CSMD1: variants seen among roughly 807,000 people sequenced by gnomAD.
The protein encoded by CSMD1 is CUB and sushi domain-containing protein 1.
In CSMD1, 213 loss-of-function variants were observed where a neutral mutation model predicts 417.5. The observed-to-expected ratio is 0.51, with a 90% CI of 0.46 to 0.57. CSMD1 has a LOEUF of 0.57. CSMD1 is among the 20% of genes least tolerant of loss of function. The pLI is 0.00. For missense variants in CSMD1, 6,923 were observed against 4,529.7 expected (o/e 1.53, Z -15.17); for synonymous variants, 2,862 against 1,736.8 (o/e 1.65, Z -16.11).
At chr8:3,710,134 C>T (rs1172151410) in intron 6 of CSMD1, among the ~76,000 whole-genome samples, 1 of 148,064 alleles carries the variant, frequency 6.8e-6, no homozygotes, top group African/African-American at 2.5e-5. Context: ...GGATTTTTTT[C>T]CTGATATTTT....
At chr8:3,982,443 A>G (rs902478137) in intron 5 of CSMD1, among the ~76,000 whole-genome samples, 1 of 152,008 alleles carries the variant, frequency 6.6e-6, no homozygotes, top group African/African-American at 2.4e-5. Context: ...AATTAATAGA[A>G]AGATCTTAAC....
At chr8:3,062,403 C>T (rs986368794) in intron 49 of CSMD1, among the ~76,000 whole-genome samples, 3 of 151,986 alleles carry the variant, frequency 2.0e-5, no homozygotes, top group Admixed American at 6.6e-5. Flanking sequence ...CGGGTGTTTC[C>T]AAGGAGTAAA....
intron 6 of CSMD1, among the ~76,000 whole-genome samples, chr8:3,713,033 A>G (rs1382051267): frequency 1.3e-5 from 2 of 152,206 alleles, no homozygotes; most frequent in Non-Finnish European, 2.9e-5. Context: ...TGAGGTTAAA[A>G]AAAAAATTCC....
chr8:2,962,156 C>A (rs1803547285), intron 61 of CSMD1, among the ~76,000 whole-genome samples: 1 of 152,142 alleles, frequency 6.6e-6, no homozygotes, highest in Admixed American at 6.5e-5. Context: ...AATGTTCCTA[C>A]CTGCACCTTT....
chr8:4,599,784 A>G (rs1431321143), intron 2 of CSMD1, among the ~76,000 whole-genome samples: 1 of 152,218 alleles, frequency 6.6e-6, no homozygotes, highest in Non-Finnish European at 1.5e-5. Context: ...CACAGTGGAT[A>G]CTGTAAGCCA....
intron 26 of CSMD1, among the ~76,000 whole-genome samples, chr8:3,271,320 G>A (rs1045766530): frequency 7.9e-5 from 12 of 151,910 alleles, no homozygotes; most frequent in African/African-American, 2.7e-4. Context: ...TCTTAATCCA[G>A]TCTATCATTG....
chr8:3,203,032 A>G (rs1797072302), intron 31 of CSMD1, among the ~76,000 whole-genome samples: 1 of 152,170 alleles, frequency 6.6e-6, no homozygotes, highest in South Asian at 2.1e-4. Context: ...TTTTTATCAT[A>G]CTGGAGGCCC....
intron 1 of CSMD1, among the ~76,000 whole-genome samples, chr8:4,909,809 G>A (rs1299027817): frequency 6.6e-6 from 1 of 152,154 alleles, no homozygotes; most frequent in Non-Finnish European, 1.5e-5. Context: ...GGACCCACCT[G>A]TCCTTCATTT....
At chr8:4,293,371 A>C (rs563518706) in intron 3 of CSMD1, among the ~76,000 whole-genome samples, 2 of 152,246 alleles carry the variant, frequency 1.3e-5, no homozygotes, top group Non-Finnish European at 2.9e-5. Flanking sequence ...GTCCAATCTA[A>C]ATTTATTGAG....
chr8:3,694,295 G>C (rs990036701), intron 7 of CSMD1, among the ~76,000 whole-genome samples: 6 of 152,024 alleles, frequency 3.9e-5, no homozygotes, highest in Admixed American at 2.0e-4. Flanking sequence ...TCACTTCCTA[G>C]ACGTCGGCTT....
At chr8:3,880,011 A>G (rs1806107134) in intron 5 of CSMD1, among the ~76,000 whole-genome samples, 1 of 152,120 alleles carries the variant, frequency 6.6e-6, no homozygotes, top group Non-Finnish European at 1.5e-5. Flanking sequence ...TACCGAAGTT[A>G]CTGACTAATG....
chr8:3,005,687 T>A (rs566481535), intron 52 of CSMD1, among the ~76,000 whole-genome samples: 1 of 152,158 alleles, frequency 6.6e-6, no homozygotes, highest in South Asian at 2.1e-4. Context: ...ATTATCTCGA[T>A]AGATGCAGAA....
intron 10 of CSMD1, among the ~76,000 whole-genome samples, chr8:3,545,650 T>G (rs1798627525): frequency 6.6e-6 from 1 of 152,162 alleles, no homozygotes; most frequent in Non-Finnish European, 1.5e-5. Context: ...TCATCAGCGG[T>G]GGACAACTTA....
intron 2 of CSMD1, among the ~76,000 whole-genome samples, chr8:4,432,898 A>C (rs1461753487): frequency 6.6e-6 from 1 of 152,246 alleles, no homozygotes; most frequent in African/African-American, 2.4e-5. Flanking sequence ...TCAAGGGGTG[A>C]GCAGCAGAAG....
chr8:4,326,886 C>G (rs928111302), intron 3 of CSMD1, among the ~76,000 whole-genome samples: 3 of 151,994 alleles, frequency 2.0e-5, no homozygotes, highest in Non-Finnish European at 4.4e-5. Flanking sequence ...GACTATTTTA[C>G]ATAGACCATG....
At chr8:4,841,148 A>G (rs1175177428) in intron 1 of CSMD1, among the ~76,000 whole-genome samples, 1 of 152,212 alleles carries the variant, frequency 6.6e-6, no homozygotes, top group Non-Finnish European at 1.5e-5. Flanking sequence ...CTGAATGCAT[A>G]TATAAATAAT....
chr8:3,062,654 C>G (rs1292539700), intron 49 of CSMD1, among the ~76,000 whole-genome samples: 1 of 149,668 alleles, frequency 6.7e-6, no homozygotes, highest in East Asian at 2.0e-4. Flanking sequence ...TTGAAAATAT[C>G]TAGCACTTCA....
chr8:3,517,102 G>C (rs11785154), intron 10 of CSMD1, among the ~76,000 whole-genome samples: 25,693 of 152,142 alleles, frequency 0.17, 2,494 homozygotes, highest in South Asian at 0.24. Flanking sequence ...GCCTTCTCAG[G>C]AGAGGAAGGA....
At chr8:3,801,112 G>C (rs891137440) in intron 5 of CSMD1, among the ~76,000 whole-genome samples, 3 of 151,898 alleles carry the variant, frequency 2.0e-5, no homozygotes, top group African/African-American at 4.8e-5. Flanking sequence ...AAGACGGAAA[G>C]GTTAAATTTT....
Sources: allele counts gnomAD v4.1 joint callset (sites outside exome capture counted in the v4.1 genomes callset), GRCh38; gene constraint gnomAD v4.1.1; transcripts MANE v1.5; gene names NCBI Gene and HGNC (gene_info 2026-07-23, HGNC 2026-07-21).